Variants in PECR observed in about 807,000 individuals in gnomAD.
The protein encoded by PECR is peroxisomal trans-2-enoyl-CoA reductase, also known as 2,4-dienoyl-CoA reductase-related protein.
A neutral mutation model predicts 35.3 loss-of-function variants in PECR; 30 were observed. The ratio of observed to expected loss-of-function variants is 0.85; its 90% CI spans 0.64 to 1.15. PECR has a LOEUF of 1.15. Ranked by LOEUF, PECR falls within the 50% of genes most tolerant of loss-of-function variation. The pLI is 0.00. For missense variants in PECR, 392 were observed against 370.8 expected (o/e 1.06, Z -0.47); for synonymous variants, 148 against 138.9 (o/e 1.07, Z -0.46).
At chr2:216,074,676 A>G (rs1695660779) in intron 1 of PECR, among the ~76,000 whole-genome samples, 1 of 152,244 alleles carries the variant, frequency 6.6e-6, no homozygotes, top group South Asian at 2.1e-4. Flanking sequence ...TTATCTAAAT[A>G]GAAGTTTACT....
In PECR at chr2:216,043,922, G is replaced by T. The variant is rs562985451; in HGVS notation, c.808C>A (p.His270Asn). ...DVDGGRSLYT[H>N]SYEVPDHDNW... Reference sequence around the variant, plus strand: ...TGCTCACCTGGTACCTCATACGAGTGAGTATAGAGACTCCGGCCCCCATCC... The same window carrying T: ...TGCTCACCTGGTACCTCATACGAGTTAGTATAGAGACTCCGGCCCCCATCC... The change falls in exon 7 of 8, where the codon CAC becomes AAC. Residue 270 changes from histidine to asparagine, a missense_variant. His to Asn is a moderately conservative substitution (Grantham distance 68). Coordinates refer to ENST00000265322, the MANE Select transcript of PECR (RefSeq NM_018441.6). 3.1e-6 allele frequency: 5 copies of T among 1,590,574 alleles called. No individual in the cohort carries two copies. The highest frequency in any genetic ancestry group is 2.7e-5 in the African/African-American group (2 of 74,700).
intron 1 of PECR, among the ~76,000 whole-genome samples, chr2:216,075,036 A>G (rs1233110900): frequency 6.6e-6 from 1 of 152,202 alleles, no homozygotes; most frequent in Non-Finnish European, 1.5e-5. Flanking sequence ...AATCCCAGCA[A>G]TTTGGGAGGC....
At chr2:216,066,199 C>A (rs1050701411) in intron 2 of PECR, among the ~76,000 whole-genome samples, 186 bp downstream of exon 2, 13 of 152,196 alleles carry the variant, frequency 8.5e-5, no homozygotes, top group Admixed American at 7.2e-4. Context: ...TGCCTCCCTT[C>A]CTCTCCTTCT....
chr2:216,035,288 C>T (rs1405847387), downstream of PECR, among the ~76,000 whole-genome samples: 4 of 152,118 alleles, frequency 2.6e-5, no homozygotes, highest in African/African-American at 9.7e-5. Flanking sequence ...CTTCCCAGCA[C>T]CTCCCTCAGG....
At chr2:216,071,873 G>A (rs931772615) in intron 1 of PECR, among the ~76,000 whole-genome samples, 1 of 152,060 alleles carries the variant, frequency 6.6e-6, no homozygotes, top group Non-Finnish European at 1.5e-5. Context: ...AGTCCCGTTT[G>A]GGTGCCACTT....
chr2:216,045,319 C>T (rs898781159), intron 6 of PECR, among the ~76,000 whole-genome samples: 1 of 152,190 alleles, frequency 6.6e-6, no homozygotes, highest in African/African-American at 2.4e-5. Flanking sequence ...CCTACTCAAA[C>T]ACTTTCAGTA....
intron 1 of PECR, among the ~76,000 whole-genome samples, chr2:216,073,049 G>A (rs1209519072): frequency 6.6e-6 from 1 of 152,182 alleles, no homozygotes; most frequent in South Asian, 2.1e-4. Flanking sequence ...GGAAATTCTC[G>A]TGTGCAATCT....
chr2:216,075,976 C>T (rs145603214), intron 1 of PECR, among the ~76,000 whole-genome samples: 316 of 152,282 alleles, frequency 2.1e-3, no homozygotes, highest in African/African-American at 7.1e-3. Flanking sequence ...TTCAACTTGA[C>T]GATGCTAGGT....
intron 6 of PECR, among the ~76,000 whole-genome samples, chr2:216,046,310 A>ATATATTTTTTTTTT (rs1553560626): frequency 1.0e-5 from 1 of 96,974 alleles, no homozygotes; most frequent in African/African-American, 4.6e-5. Flanking sequence ...ATATATATAT[A>ATATATTTTTTTTTT]TTTTTTTTTT....
chr2:216,069,934 CAAAAA>C (rs35689726), intron 1 of PECR, among the ~76,000 whole-genome samples: 16 of 101,296 alleles, frequency 1.6e-4, no homozygotes, highest in South Asian at 3.8e-4. Flanking sequence ...AAGACTCTGT[CAAAAA>C]AAAAAAAAAA....
At chr2:216,040,886 G>A (rs531114271) in intron 7 of PECR, among the ~76,000 whole-genome samples, 88 of 152,042 alleles carry the variant, frequency 5.8e-4, no homozygotes, top group Non-Finnish European at 1.1e-3. Context: ...AAAAAGAAAA[G>A]AAAAAGTCCC....
chr2:216,051,298 AAAAAAG>A, intron 5 of PECR, 145 bp downstream of exon 5: 2 of 627,992 alleles, frequency 3.2e-6, no homozygotes, highest in Non-Finnish European at 5.6e-6. Context: ...AAAAAAAAAA[AAAAAAG>A]AAAATTAGGC....
At chr2:216,055,736 G>A (rs1397124255) in intron 4 of PECR, among the ~76,000 whole-genome samples, 1 of 152,120 alleles carries the variant, frequency 6.6e-6, no homozygotes, top group Admixed American at 6.5e-5. Flanking sequence ...AGGGCCACAG[G>A]CTCTAGTGTA....
intron 5 of PECR, among the ~76,000 whole-genome samples, chr2:216,050,155 G>C (rs116375138): frequency 1.3e-5 from 2 of 152,120 alleles, no homozygotes; most frequent in African/African-American, 4.8e-5. Flanking sequence ...CCAGGAGTTC[G>C]AGGCTGCAGT....
intron 7 of PECR, among the ~76,000 whole-genome samples, chr2:216,041,565 ACTC>A (rs1694887595): frequency 6.6e-6 from 1 of 152,152 alleles, no homozygotes; most frequent in South Asian, 2.1e-4. Context: ...CCCGCATACA[ACTC>A]CTAATATCCT....
At chr2:216,070,586 G>A (rs1038954188) in intron 1 of PECR, among the ~76,000 whole-genome samples, 2 of 152,206 alleles carry the variant, frequency 1.3e-5, no homozygotes, top group Admixed American at 6.5e-5. Flanking sequence ...GACACTGAAC[G>A]AAGGAGGATG....
At chr2:216,070,142 C>G (rs1319535209) in intron 1 of PECR, among the ~76,000 whole-genome samples, 3 of 150,094 alleles carry the variant, frequency 2.0e-5, no homozygotes, top group African/African-American at 7.6e-5. Flanking sequence ...GAAAATAAAA[C>G]AGTTTAATTT....
At chr2:216,078,957 T>C (rs1168455497) in intron 1 of PECR, among the ~76,000 whole-genome samples, 1 of 152,198 alleles carries the variant, frequency 6.6e-6, no homozygotes, top group African/African-American at 2.4e-5. Context: ...TAAAAATCTA[T>C]TAAAAATCCT....
intron 7 of PECR, among the ~76,000 whole-genome samples, chr2:216,041,118 G>A (rs554780428): frequency 6.6e-6 from 1 of 152,232 alleles, no homozygotes; most frequent in East Asian, 1.9e-4. Context: ...TCGGGGGGCA[G>A]TATATTCTTA....
Sources: gnomAD v4.1 joint callset for allele counts (sites outside exome capture counted in the v4.1 genomes callset) on GRCh38, gnomAD v4.1.1 for gene constraint, MANE v1.5 for transcripts, NCBI Gene and HGNC (gene_info 2026-07-23, HGNC 2026-07-21) for gene names.